RFX7: variants seen among roughly 807,000 people sequenced by gnomAD.
RFX7 encodes the protein regulatory factor X7.
RFX7 carries 26 observed loss-of-function variants against 111.8 expected under a neutral mutation model. The observed-to-expected ratio is 0.23, with a 90% CI of 0.17 to 0.32. RFX7 has a LOEUF of 0.32. Among genes scored for constraint, RFX7 ranks in the 10% least tolerant of loss-of-function variants. The pLI is 1.00. For synonymous variants in RFX7, 624 were observed against 624.4 expected, an observed-to-expected ratio of 1.00 and a Z score of 0.01; for missense variants, 1,573 against 1,772.9, an observed-to-expected ratio of 0.89 and a Z score of 2.02.
At chr15:56,114,025 T>A (rs1239009141) in intron 5 of RFX7, among the ~76,000 whole-genome samples, 2 of 152,310 alleles carry the variant, frequency 1.3e-5, no homozygotes, top group African/African-American at 4.8e-5. Context: ...GTTGTTGTAA[T>A]CCTCCCTTAT....
intron 2 of RFX7, among the ~76,000 whole-genome samples, chr15:56,210,053 A>T (rs28583563): frequency 0.025 from 3,808 of 152,210 alleles, 132 homozygotes; most frequent in African/African-American, 0.077. Context: ...TGGATCAAGA[A>T]ATAAGACCCA....
intron 5 of RFX7, among the ~76,000 whole-genome samples, chr15:56,135,701 C>T (rs1433892695): frequency 6.6e-6 from 1 of 152,034 alleles, no homozygotes; most frequent in Non-Finnish European, 1.5e-5. Context: ...ATGCCTATGT[C>T]CTGAATGGTA....
chr15:56,100,196 T>A (rs2041734133), intron 8 of RFX7, among the ~76,000 whole-genome samples: 2 of 152,194 alleles, frequency 1.3e-5, no homozygotes, highest in African/African-American at 4.8e-5. Context: ...CCCAAGTCTA[T>A]AAATTGGGAA....
chr15:56,111,507 C>T (rs1489676570), intron 5 of RFX7, among the ~76,000 whole-genome samples: 8 of 151,514 alleles, frequency 5.3e-5, no homozygotes, highest in Non-Finnish European at 7.4e-5. Context: ...GACACAAACA[C>T]TGAGGAAGGC....
At chr15:56,144,675 A>C (rs2042445035) in intron 3 of RFX7, among the ~76,000 whole-genome samples, 192 bp from the exon 4 acceptor site, 1 of 152,156 alleles carries the variant, frequency 6.6e-6, no homozygotes, top group East Asian at 1.9e-4. Flanking sequence ...AAAATTTAAT[A>C]AAAGAAAATG....
In RFX7 at chr15:56,243,611, G is replaced by C. The variant is rs2043747329; in HGVS notation, c.-169C>G. 3.4e-6 allele frequency: 1 copy of C among 297,018 alleles called. No homozygotes were observed. The highest frequency in any genetic ancestry group is 1.8e-4 in the East Asian group (1 of 5,636). 18.4% of individuals were successfully genotyped at this position (297,018 alleles called of 1,614,324 possible). A position where few individuals can be genotyped will look rare whatever the true frequency, so the allele number is the denominator to read the frequency against. ...CCCGTCAGCGGCCGGGGCTGTGGGG[G>C]GGTGAGATGGGGGCGTTTGAAGACG... On this transcript the variant is annotated 5_prime_UTR_variant, in exon 1 of 10. Coordinates refer to ENST00000559447, the MANE Select transcript of RFX7 (RefSeq NM_022841.7).
chr15:56,159,298 C>T (rs545690612), intron 3 of RFX7, among the ~76,000 whole-genome samples: 2 of 152,144 alleles, frequency 1.3e-5, no homozygotes, highest in East Asian at 1.9e-4. Context: ...AAGGCTTCAA[C>T]GAACTTAGGA....
At chr15:56,210,196 A>G (rs1249020840) in intron 2 of RFX7, among the ~76,000 whole-genome samples, 1 of 152,152 alleles carries the variant, frequency 6.6e-6, no homozygotes, top group Non-Finnish European at 1.5e-5. Flanking sequence ...TTAATTTCAG[A>G]TAAGGCAGGC....
intron 3 of RFX7, among the ~76,000 whole-genome samples, chr15:56,151,256 G>A (rs187105145): frequency 6.2e-4 from 95 of 152,172 alleles, no homozygotes; most frequent in Non-Finnish European, 1.1e-3. Context: ...ACACATAATC[G>A]TCAGATTCAC....
At chr15:56,192,873 C>A in intron 2 of RFX7, 1 of 214,238 alleles carries the variant, frequency 4.7e-6, no homozygotes, top group South Asian at 8.5e-5. Context: ...CTTGTATGTT[C>A]AGCAACAAAC....
chr15:56,104,929 T>G (rs2041810535), intron 5 of RFX7, among the ~76,000 whole-genome samples: 1 of 152,172 alleles, frequency 6.6e-6, no homozygotes, highest in Admixed American at 6.5e-5. Flanking sequence ...AAATTGAGAC[T>G]AAATTTGATA....
At chr15:56,124,606 T>A (rs1220515348) in intron 5 of RFX7, among the ~76,000 whole-genome samples, 1 of 152,160 alleles carries the variant, frequency 6.6e-6, no homozygotes, top group Non-Finnish European at 1.5e-5. Flanking sequence ...TCCCTGATGA[T>A]TAGTGATGTT....
At chr15:56,186,318 A>G (rs1419485510) in intron 2 of RFX7, among the ~76,000 whole-genome samples, 1 of 152,204 alleles carries the variant, frequency 6.6e-6, no homozygotes, top group East Asian at 1.9e-4. Context: ...ACATTAAGAC[A>G]TCAATCCCCA....
chr15:56,098,057 C>T, intron 9 of RFX7, 24 bp downstream of exon 9: 1 of 1,607,120 alleles, frequency 6.2e-7, no homozygotes, highest in Non-Finnish European at 8.5e-7. Context: ...CCCAATAAGG[C>T]CAAATACTAT....
At chr15:56,223,923 A>T (rs538985385) in intron 2 of RFX7, among the ~76,000 whole-genome samples, 1 of 152,214 alleles carries the variant, frequency 6.6e-6, no homozygotes, top group South Asian at 2.1e-4. Flanking sequence ...CCCATTTAGC[A>T]TTGCATGGTG....
intron 2 of RFX7, among the ~76,000 whole-genome samples, chr15:56,202,756 G>A (rs558038692): frequency 6.6e-6 from 1 of 152,328 alleles, no homozygotes; most frequent in Non-Finnish European, 1.5e-5. Context: ...AGGCTGCAGT[G>A]AGCTATCATT....
intron 3 of RFX7, among the ~76,000 whole-genome samples, chr15:56,171,848 G>A (rs1470121841): frequency 6.6e-6 from 1 of 152,154 alleles, no homozygotes; most frequent in African/African-American, 2.4e-5. Context: ...TAAAGAGTTG[G>A]ATTATATGGG....
At chr15:56,101,774 A>G (rs377039632) in intron 7 of RFX7, among the ~76,000 whole-genome samples, 11 of 152,222 alleles carry the variant, frequency 7.2e-5, no homozygotes, top group African/African-American at 2.4e-4. Context: ...CCTTGCGAAT[A>G]TAACATTTTA....
chr15:56,130,845 T>A (rs897514437), intron 5 of RFX7, among the ~76,000 whole-genome samples: 1 of 152,022 alleles, frequency 6.6e-6, no homozygotes, highest in African/African-American at 2.4e-5. Flanking sequence ...ACAAAAGATA[T>A]TAAATTTATG....
Sources: allele counts gnomAD v4.1 joint callset (sites outside exome capture counted in the v4.1 genomes callset), GRCh38; gene constraint gnomAD v4.1.1; transcripts MANE v1.5; gene names NCBI Gene and HGNC (gene_info 2026-07-23, HGNC 2026-07-21).